Variants in FAM200B observed in about 807,000 individuals in gnomAD.
The protein encoded by FAM200B is zinc finger BED-type containing 11, also known as protein FAM200B.
A neutral mutation model predicts 33.1 loss-of-function variants in FAM200B; 32 were observed. That is an observed-to-expected ratio of 0.97 (90% CI 0.73 to 1.30). The LOEUF (loss-of-function observed/expected upper bound fraction) is 1.30, where lower values mean the gene tolerates loss of function less well. Ranked by LOEUF, FAM200B falls within the 50% of genes most tolerant of loss-of-function variation. The pLI, the probability that FAM200B is intolerant of heterozygous loss-of-function variation, is 0.00. For synonymous variants in FAM200B, 240 were observed against 264.8 expected, an observed-to-expected ratio of 0.91 and a Z score of 0.91; for missense variants, 741 against 754.0, an observed-to-expected ratio of 0.98 and a Z score of 0.20.
chr4:15,654,259 G>A, the FAM200B span, among the ~76,000 whole-genome samples: 3 of 152,144 alleles, frequency 2.0e-5, no homozygotes, highest in African/African-American at 7.2e-5. Flanking sequence ...TATTTAGTTG[G>A]ATCATTTCCA....
chr4:15,662,727 T>A, the FAM200B span, among the ~76,000 whole-genome samples: 1 of 152,232 alleles, frequency 6.6e-6, no homozygotes, highest in Non-Finnish European at 1.5e-5. Flanking sequence ...CAATCCATTA[T>A]CTTTATGTAA....
the FAM200B span, chr4:15,644,478 A>G: frequency 8.2e-6 from 13 of 1,588,224 alleles, no homozygotes; most frequent in Non-Finnish European, 1.1e-5. Flanking sequence ...TTGAATATCC[A>G]TTTTTGCAAC....
chr4:15,645,588 C>G, the FAM200B span, among the ~76,000 whole-genome samples: 1 of 152,038 alleles, frequency 6.6e-6, no homozygotes, highest in Non-Finnish European at 1.5e-5. Context: ...CCACCACGCC[C>G]GGCTAATTTT....
upstream of FAM200B, among the ~76,000 whole-genome samples, chr4:15,678,771 G>A (rs1030623891): frequency 8.6e-5 from 13 of 151,986 alleles, no homozygotes; most frequent in African/African-American, 3.1e-4. Flanking sequence ...ATATTTATAA[G>A]GTCATTTTGT....
the FAM200B span, among the ~76,000 whole-genome samples, chr4:15,642,068 A>G: frequency 6.6e-6 from 1 of 151,918 alleles, no homozygotes; most frequent in South Asian, 2.1e-4. Flanking sequence ...AAGGTCATAT[A>G]TATCAATATC....
rs768501487 is a variant in FAM200B at position 15,688,728 on chromosome 4, G to A, written c.1751G>A (p.Trp584Ter). ...GAAACCTTAAGTTTATCAGCATTTT[G>A]GATGAAGGTAAAGGAAGACTTTCCA... ...DYETLSLSAF[W>*]MKVKEDFPLL... Residue 584 changes from tryptophan (W) to a stop codon, truncating the protein, a stop_gained, in exon 2 of 2, where the codon TGG (tryptophan) becomes TAG (stop). Coordinates refer to ENST00000422728, the MANE Select transcript of FAM200B (RefSeq NM_001145191.2). LOFTEE classifies it high-confidence loss of function. 9 of 1,550,476 alleles carry A rather than the reference G, an allele frequency of 5.8e-6. No homozygotes were observed. Among genetic ancestry groups the A allele is most frequent in the Non-Finnish European group, 7.0e-6 (8 of 1,146,098 alleles).
chr4:15,682,776 G>A (rs184971705), intron 1 of FAM200B, among the ~76,000 whole-genome samples: 2 of 152,298 alleles, frequency 1.3e-5, no homozygotes, highest in East Asian at 3.9e-4. Context: ...GAATAAATAG[G>A]ACTTCATGTG....
the FAM200B span, among the ~76,000 whole-genome samples, chr4:15,639,727 A>G: frequency 2.0e-5 from 3 of 152,210 alleles, no homozygotes; most frequent in African/African-American, 7.2e-5. Flanking sequence ...GGGCCCTGAA[A>G]AAATACCCAG....
upstream of FAM200B, among the ~76,000 whole-genome samples, chr4:15,678,067 T>C (rs1718061413): frequency 1.3e-5 from 2 of 152,232 alleles, no homozygotes; most frequent in Non-Finnish European, 2.9e-5. Context: ...GTGTGTTTCA[T>C]ACATACTTTC....
At position 15,687,412 on chromosome 4, in the gene FAM200B, A is replaced by G; in HGVS notation, c.435A>G (p.Lys145=). ...GTTGTTCTACTGCTGTTAGTGAGAAAGCCTTATTATCATCATATTTAGTTG... is the reference window on the plus strand; with the variant it reads ...GTTGTTCTACTGCTGTTAGTGAGAAGGCCTTATTATCATCATATTTAGTTG... The part of the protein sequence containing the change: ...FLSCSTAVSE[K]ALLSSYLVAY... The change falls in exon 2 of 2, where the codon AAA becomes AAG. Residue 145 remains lysine (K), a synonymous_variant. Transcript: ENST00000422728. 1.3e-6 allele frequency: 2 copies of G among 1,549,212 alleles called. No homozygotes were observed. Among genetic ancestry groups the G allele is most frequent in the Non-Finnish European group, 1.7e-6 (2 of 1,145,434 alleles).
At chr4:15,661,209 T>C in the FAM200B span, among the ~76,000 whole-genome samples, 1 of 152,226 alleles carries the variant, frequency 6.6e-6, no homozygotes, top group Admixed American at 6.5e-5. Flanking sequence ...ACTATAGGTG[T>C]TTCCCCTGTG....
At chr4:15,638,904 C>T in the FAM200B span, among the ~76,000 whole-genome samples, 1 of 152,176 alleles carries the variant, frequency 6.6e-6, no homozygotes, top group Non-Finnish European at 1.5e-5. Flanking sequence ...GTGGCTAACA[C>T]CTGTAATCCC....
rs939014301 is a variant in FAM200B, at chr4:15,686,416, C to T, written c.-562C>T. 1 of 152,174 alleles carries T rather than the reference C, an allele frequency of 6.6e-6. No individual in the cohort carries two copies. Among genetic ancestry groups the T allele is most frequent in the African/African-American group, 2.4e-5 (1 of 41,420 alleles). The allele number at this position is 152,174 out of a possible 1,614,324, so 9.4% of individuals were successfully genotyped here. ...AGATGTTCTTATACAAGTCAACAGT[C>T]TAGCAGATCAGCCAGTCTCTTTCAT... On this transcript the variant is annotated 5_prime_UTR_variant, in exon 2 of 2. Coordinates refer to ENST00000422728, the MANE Select transcript of FAM200B (RefSeq NM_001145191.2).
the FAM200B span, among the ~76,000 whole-genome samples, chr4:15,660,503 T>C: frequency 6.6e-6 from 1 of 152,178 alleles, no homozygotes; most frequent in East Asian, 1.9e-4. Flanking sequence ...ATACATCTTA[T>C]TTGTGTTCAC....
the FAM200B span, among the ~76,000 whole-genome samples, chr4:15,651,577 A>G: frequency 6.6e-6 from 1 of 152,214 alleles, no homozygotes; most frequent in East Asian, 1.9e-4. Flanking sequence ...GGTATGCAGA[A>G]AAATGGCGGA....
chr4:15,684,203 G>A (rs1294236896), intron 1 of FAM200B, among the ~76,000 whole-genome samples: 1 of 152,162 alleles, frequency 6.6e-6, no homozygotes, highest in Non-Finnish European at 1.5e-5. Context: ...ACCCACCTGG[G>A]TTATGGAATC....
At chr4:15,666,842 C>G in the FAM200B span, among the ~76,000 whole-genome samples, 2 of 150,816 alleles carry the variant, frequency 1.3e-5, no homozygotes, top group African/African-American at 2.4e-5. Context: ...CTAAACTAAA[C>G]TAAGAGTAAA....
chr4:15,685,095 G>C (rs1434644377), intron 1 of FAM200B: 1 of 126,148 alleles, frequency 7.9e-6, no homozygotes, highest in African/African-American at 2.5e-5. Flanking sequence ...GGAAAAAGAG[G>C]TTTAGGGCCA....
In FAM200B at chr4:15,687,031, A is replaced by T. The variant is rs761315441; in HGVS notation, c.54A>T (p.Glu18Asp). 6 of 1,512,370 alleles carry T rather than the reference A, an allele frequency of 4.0e-6. No homozygotes were observed. Among genetic ancestry groups the T allele is most frequent in the Non-Finnish European group, 5.4e-6 (6 of 1,120,356 alleles). The allele number at this position is 1,512,370 out of a possible 1,614,324, so 93.7% of individuals were successfully genotyped here. ...RKRNSEVKYTEACSSSSVESG... is the reference protein window; with the variant it reads ...RKRNSEVKYTDACSSSSVESG... ...GGAATAGTGAAGTGAAATATACAGA[A>T]GCATGTTCAAGTTCATCTGTTGAAT... is the stretch of plus-strand genomic sequence containing the variant. The change falls in exon 2 of 2, where the codon GAA (glutamate) becomes GAT (aspartate). Residue 18 changes from glutamate (E) to aspartate (D), a missense_variant. By Grantham distance (45) the Glu-to-Asp change is conservative. Transcript: ENST00000422728.
Sources: gnomAD v4.1 joint callset for allele counts (sites outside exome capture counted in the v4.1 genomes callset) on GRCh38, gnomAD v4.1.1 for gene constraint, MANE v1.5 for transcripts, NCBI Gene and HGNC (gene_info 2026-07-23, HGNC 2026-07-21) for gene names.